The following CSMD1 variants were observed in gnomAD, a reference collection of about 807,000 sequenced individuals.
CSMD1 encodes CUB and Sushi multiple domains 1, also known as CUB and sushi domain-containing protein 1.
Under a neutral mutation model 417.5 loss-of-function variants are expected in CSMD1, and 213 were observed. The ratio of observed to expected loss-of-function variants is 0.51; its 90% CI spans 0.46 to 0.57. The LOEUF (loss-of-function observed/expected upper bound fraction) is 0.57, where lower values mean the gene tolerates loss of function less well. CSMD1 is among the 20% of genes least tolerant of loss of function. CSMD1 has a pLI of 0.00. For synonymous variants in CSMD1, 2,862 were observed against 1,736.8 expected, an observed-to-expected ratio of 1.65 and a Z score of -16.11; for missense variants, 6,923 against 4,529.7, an observed-to-expected ratio of 1.53 and a Z score of -15.17.
chr8:3,755,064 A>G (rs1797579903), intron 5 of CSMD1, among the ~76,000 whole-genome samples: 1 of 152,088 alleles, frequency 6.6e-6, no homozygotes, highest in South Asian at 2.1e-4. Flanking sequence ...AGAAACAATC[A>G]TGTGTTTTAT....
intron 7 of CSMD1, among the ~76,000 whole-genome samples, chr8:3,689,687 G>A (rs576445300): frequency 2.6e-5 from 4 of 151,664 alleles, no homozygotes; most frequent in South Asian, 4.2e-4. Context: ...TAATCCTCAC[G>A]TCAATCCTAT....
chr8:4,449,451 T>A (rs1342236922), intron 2 of CSMD1, among the ~76,000 whole-genome samples: 1 of 152,184 alleles, frequency 6.6e-6, no homozygotes, highest in Non-Finnish European at 1.5e-5. Context: ...CAATTTTTGT[T>A]GATAATTCAG....
At chr8:4,692,010 T>C (rs191842526) in intron 1 of CSMD1, among the ~76,000 whole-genome samples, 398 of 152,318 alleles carry the variant, frequency 2.6e-3, no homozygotes, top group Non-Finnish European at 4.2e-3. Flanking sequence ...TGCCCTCTTG[T>C]ACAGCAGAGC....
intron 37 of CSMD1, among the ~76,000 whole-genome samples, chr8:3,177,154 G>T (rs1487327548): frequency 2.0e-5 from 3 of 152,150 alleles, no homozygotes; most frequent in Non-Finnish European, 4.4e-5. Context: ...CAAAACAATG[G>T]GGAAAGGCGA....
At chr8:3,950,431 T>C (rs1432127930) in intron 5 of CSMD1, among the ~76,000 whole-genome samples, 2 of 152,268 alleles carry the variant, frequency 1.3e-5, no homozygotes, top group Admixed American at 6.5e-5. Flanking sequence ...GAAGAGAGGT[T>C]CTTCTGGATC....
intron 3 of CSMD1, among the ~76,000 whole-genome samples, chr8:4,286,949 T>C (rs565192348): frequency 8.1e-4 from 123 of 152,288 alleles, no homozygotes; most frequent in African/African-American, 2.8e-3. Context: ...CAATAACAAT[T>C]CCATAGAGGC....
At chr8:3,080,082 A>T (rs1051693299) in intron 49 of CSMD1, among the ~76,000 whole-genome samples, 1 of 152,224 alleles carries the variant, frequency 6.6e-6, no homozygotes, top group Admixed American at 6.5e-5. Flanking sequence ...TCATAAATAA[A>T]CAATAGACAA....
At chr8:4,458,948 A>G (rs1799647854) in intron 2 of CSMD1, among the ~76,000 whole-genome samples, 1 of 152,218 alleles carries the variant, frequency 6.6e-6, no homozygotes, top group Non-Finnish European at 1.5e-5. Context: ...AAGCTTGTAA[A>G]CCAACGAGGA....
intron 3 of CSMD1, among the ~76,000 whole-genome samples, chr8:4,361,913 C>G (rs984225326): frequency 6.6e-6 from 1 of 152,088 alleles, no homozygotes; most frequent in Non-Finnish European, 1.5e-5. Context: ...CGAGTTCACT[C>G]CACTGCACGC....
chr8:4,852,778 C>T (rs935742810), intron 1 of CSMD1, among the ~76,000 whole-genome samples: 1 of 151,978 alleles, frequency 6.6e-6, no homozygotes, highest in Non-Finnish European at 1.5e-5. Flanking sequence ...CAGTGATGGG[C>T]AGGCTGATGA....
chr8:4,929,472 G>T (rs1308813021), intron 1 of CSMD1, among the ~76,000 whole-genome samples: 1 of 152,128 alleles, frequency 6.6e-6, no homozygotes, highest in African/African-American at 2.4e-5. Context: ...TATGCATAGG[G>T]TCGTGAAAAA....
At chr8:4,454,107 C>T (rs1799326547) in intron 2 of CSMD1, among the ~76,000 whole-genome samples, 1 of 152,128 alleles carries the variant, frequency 6.6e-6, no homozygotes, top group Non-Finnish European at 1.5e-5. Context: ...CAGGCGTGAG[C>T]CACTGTGCCC....
chr8:4,416,255 T>G (rs1367387902), intron 3 of CSMD1, among the ~76,000 whole-genome samples: 1 of 152,170 alleles, frequency 6.6e-6, no homozygotes, highest in Non-Finnish European at 1.5e-5. Context: ...AAACTTCTAT[T>G]TTCCGAAAGC....
At chr8:3,451,714 G>A (rs533729173) in intron 12 of CSMD1, among the ~76,000 whole-genome samples, 4 of 151,976 alleles carry the variant, frequency 2.6e-5, no homozygotes, top group East Asian at 3.9e-4. Context: ...TTTTGGTTAC[G>A]GTAGCCTTGT....
chr8:4,598,005 A>G (rs1434593701), intron 2 of CSMD1, among the ~76,000 whole-genome samples: 1 of 151,602 alleles, frequency 6.6e-6, no homozygotes, highest in East Asian at 1.9e-4. Context: ...TATATATAAA[A>G]TAGATATAAG....
intron 3 of CSMD1, among the ~76,000 whole-genome samples, chr8:4,197,199 T>G (rs985417419): frequency 6.6e-6 from 1 of 152,212 alleles, no homozygotes; most frequent in African/African-American, 2.4e-5. Flanking sequence ...TCCTAGCATT[T>G]TCCAGTAAGA....
At chr8:4,205,398 T>C (rs1799917778) in intron 3 of CSMD1, among the ~76,000 whole-genome samples, 2 of 152,260 alleles carry the variant, frequency 1.3e-5, no homozygotes, top group South Asian at 2.1e-4. Flanking sequence ...CCTTGGCATG[T>C]GCCTCATCTC....
intron 15 of CSMD1, among the ~76,000 whole-genome samples, chr8:3,400,229 C>A (rs548320259): frequency 6.6e-6 from 1 of 152,178 alleles, no homozygotes; most frequent in East Asian, 1.9e-4. Flanking sequence ...ATATTTCATA[C>A]CGTAATTAAG....
intron 12 of CSMD1, among the ~76,000 whole-genome samples, chr8:3,461,877 G>A (rs149236620): frequency 6.6e-6 from 1 of 152,180 alleles, no homozygotes; most frequent in Non-Finnish European, 1.5e-5. Context: ...TGAGGACTTG[G>A]GTCAGCATCG....
Sources: allele counts gnomAD v4.1 joint callset (sites outside exome capture counted in the v4.1 genomes callset), GRCh38; gene constraint gnomAD v4.1.1; transcripts MANE v1.5; gene names NCBI Gene and HGNC (gene_info 2026-07-23, HGNC 2026-07-21).